Variants in RAD51B observed in about 807,000 individuals in gnomAD.
The protein encoded by RAD51B is DNA repair protein RAD51 homolog 2.
In RAD51B, 38 loss-of-function variants were observed where a neutral mutation model predicts 42.2. The observed-to-expected ratio is 0.90, with a 90% CI of 0.70 to 1.18. The LOEUF is 1.18. Among genes scored for constraint, RAD51B ranks in the 50% most tolerant of loss-of-function variants. RAD51B has a pLI of 0.00. For missense variants in RAD51B, 373 were observed against 400.7 expected (o/e 0.93, Z 0.59); for synonymous variants, 154 against 145.2 (o/e 1.06, Z -0.43).
At chr14:67,861,430 G>A (rs2042157881) in intron 4 of RAD51B, among the ~76,000 whole-genome samples, 1 of 151,880 alleles carries the variant, frequency 6.6e-6, no homozygotes, top group Non-Finnish European at 1.5e-5. Context: ...CTTGAGTCCT[G>A]GAGTTCAAGA....
chr14:68,162,318 C>T (rs2078656429), intron 7 of RAD51B, among the ~76,000 whole-genome samples: 2 of 151,948 alleles, frequency 1.3e-5, no homozygotes, highest in South Asian at 2.1e-4. Flanking sequence ...AGCTAACTTC[C>T]CAGACATAAT....
At chr14:68,667,464 TACCTTCAC>T (rs780392775) in intron 11 of RAD51B, among the ~76,000 whole-genome samples, 12,740 of 152,100 alleles carry the variant, frequency 0.084, 595 homozygotes, top group Middle Eastern at 0.13. Flanking sequence ...ATATAAAAAC[TACCTTCAC>T]AGAAACATCT....
At position 68,292,745 on chromosome 14, in the gene RAD51B, A is replaced by G. The variant is rs12435229; in HGVS notation, c.853+765A>G. ...CTTTTAGGCCTAGCAAGGCTCCTGG[A>G]TGGCTGCCCAGGTGATCTTCTGCAG... is the stretch of plus-strand genomic sequence containing the variant. On this transcript the variant is annotated intron_variant, in intron 8 of 10. Coordinates refer to ENST00000471583, the MANE Select transcript of RAD51B (RefSeq NM_133510.4). Among the ~76,000 whole-genome samples, 5 of 152,178 alleles carry G rather than the reference A, an allele frequency of 3.3e-5. No individual in the cohort carries two copies. The East Asian group carries it at 5.8e-4, about 18-fold the overall frequency.
intron 7 of RAD51B, among the ~76,000 whole-genome samples, chr14:68,086,679 A>G (rs774328581): frequency 1.3e-5 from 2 of 152,160 alleles, no homozygotes; most frequent in Non-Finnish European, 2.9e-5. Context: ...GATGAATCCA[A>G]AGCACAGGGA....
intron 10 of RAD51B, among the ~76,000 whole-genome samples, chr14:68,559,790 G>T (rs142850216): frequency 2.0e-5 from 3 of 152,248 alleles, no homozygotes; most frequent in African/African-American, 7.2e-5. Context: ...AAGGTCTGTC[G>T]TCTTGACCAC....
intron 8 of RAD51B, among the ~76,000 whole-genome samples, chr14:68,309,621 T>C (rs1285115130): frequency 6.6e-6 from 1 of 152,200 alleles, no homozygotes; most frequent in Non-Finnish European, 1.5e-5. Context: ...GGCATGGAGT[T>C]CTCATTCTGC....
rs577126595 is a variant in RAD51B, at chr14:67,834,559, C to CTA, written c.199-520_199-519dup. On this transcript the variant is annotated intron_variant, in intron 3 of 10. Coordinates refer to ENST00000471583, the MANE Select transcript of RAD51B (RefSeq NM_133510.4). ...TTCTCTAGCCTCATTGCTTGCTGTG[C>CTA]TACACCCACACTCCATCTTTCAACC... Among the ~76,000 whole-genome samples, 12 of 152,202 alleles carry CTA rather than the reference C, an allele frequency of 7.9e-5. No homozygotes were observed. The East Asian group carries it at 2.3e-3, about 29-fold the overall frequency.
chr14:68,068,786 A>G (rs1017632177), intron 7 of RAD51B, among the ~76,000 whole-genome samples: 1 of 152,322 alleles, frequency 6.6e-6, no homozygotes, highest in East Asian at 1.9e-4. Context: ...TTATTATTGT[A>G]TATCTTCCAT....
intron 8 of RAD51B, among the ~76,000 whole-genome samples, chr14:68,311,816 C>T (rs1020346083): frequency 2.0e-5 from 3 of 152,188 alleles, no homozygotes; most frequent in African/African-American, 7.2e-5. Flanking sequence ...GAACTGGGAC[C>T]TGGGAGGTGG....
chr14:68,243,389 A>G (rs1225400002), intron 7 of RAD51B, among the ~76,000 whole-genome samples: 2 of 152,164 alleles, frequency 1.3e-5, no homozygotes, highest in Admixed American at 1.3e-4. Flanking sequence ...TAATATTTCT[A>G]ATAGTTTATC....
chr14:68,510,494 C>T (rs1019799000), intron 10 of RAD51B, among the ~76,000 whole-genome samples: 3 of 152,158 alleles, frequency 2.0e-5, no homozygotes, highest in African/African-American at 4.8e-5. Context: ...CTCTGGAGCC[C>T]GGCTCTCCCT....
At chr14:68,017,472 A>G (rs1595263579) in intron 7 of RAD51B, among the ~76,000 whole-genome samples, 2 of 152,132 alleles carry the variant, frequency 1.3e-5, no homozygotes, top group African/African-American at 4.8e-5. Flanking sequence ...CTAGGATTAC[A>G]GGCGTGAGCC....
At chr14:68,209,326 C>T (rs2079654518) in intron 7 of RAD51B, among the ~76,000 whole-genome samples, 1 of 152,180 alleles carries the variant, frequency 6.6e-6, no homozygotes, top group African/African-American at 2.4e-5. Context: ...CTGACAAAGA[C>T]ATCCTTTCTA....
chr14:68,274,432 A>G (rs944828804), intron 7 of RAD51B, among the ~76,000 whole-genome samples: 1 of 152,204 alleles, frequency 6.6e-6, no homozygotes, highest in Non-Finnish European at 1.5e-5. Context: ...ATATGAAACC[A>G]TAATGCCTTG....
At chr14:67,937,477 C>T (rs2044997867) in intron 7 of RAD51B, among the ~76,000 whole-genome samples, 1 of 152,184 alleles carries the variant, frequency 6.6e-6, no homozygotes, top group African/African-American at 2.4e-5. Context: ...AGAGAAATCT[C>T]CTCTCAGTTG....
intron 10 of RAD51B, chr14:68,540,737 A>AG: frequency 1.0e-6 from 1 of 985,442 alleles, no homozygotes; most frequent in Non-Finnish European, 1.2e-6. Flanking sequence ...AAGGGTAGTG[A>AG]GGGACACTTT....
At chr14:68,284,781 T>A (rs2081382183) in intron 7 of RAD51B, among the ~76,000 whole-genome samples, 1 of 151,938 alleles carries the variant, frequency 6.6e-6, no homozygotes. Context: ...AATCGTGGAA[T>A]GATTTTTGAT....
chr14:67,998,602 A>G (rs571870746), intron 7 of RAD51B, among the ~76,000 whole-genome samples: 5 of 152,298 alleles, frequency 3.3e-5, no homozygotes, highest in Non-Finnish European at 7.4e-5. Flanking sequence ...TACATGGCAA[A>G]GTTATCTCAG....
intron 7 of RAD51B, among the ~76,000 whole-genome samples, chr14:68,176,037 C>G (rs1270759800): frequency 6.6e-6 from 1 of 152,160 alleles, no homozygotes; most frequent in East Asian, 1.9e-4. Context: ...AATAAATGGC[C>G]AGACATGTGC....
Sources: gnomAD v4.1 joint callset for allele counts (sites outside exome capture counted in the v4.1 genomes callset) on GRCh38, gnomAD v4.1.1 for gene constraint, MANE v1.5 for transcripts, NCBI Gene and HGNC (gene_info 2026-07-23, HGNC 2026-07-21) for gene names.